Variants in CELF2 observed in about 807,000 individuals in gnomAD.
CELF2 encodes the protein CUG triplet repeat RNA-binding protein 2.
CELF2 carries 8 observed loss-of-function variants against 62.6 expected under a neutral mutation model. The ratio of observed to expected loss-of-function variants is 0.13; its 90% CI spans 0.07 to 0.23. CELF2 has a LOEUF of 0.23. Ranked by LOEUF, CELF2 falls within the 10% of genes least tolerant of loss-of-function variation. The probability of loss-of-function intolerance (pLI) is 1.00; values close to 1 mark genes in which losing one functional copy is unlikely to be tolerated. For synonymous variants in CELF2, 258 were observed against 250.0 expected (o/e 1.03, Z -0.30); for missense variants, 333 against 671.0 (o/e 0.50, Z 5.56).
In CELF2 at chr10:11,300,404, G is replaced by A. The variant is rs1455526757; in HGVS notation, c.976+11852G>A. 1.3e-5 allele frequency among the ~76,000 whole-genome samples: 2 copies of A among 152,186 alleles called. No homozygotes were observed. The highest frequency in any genetic ancestry group is 4.8e-5 in the African/African-American group (2 of 41,434). On this transcript the variant is annotated intron_variant, in intron 9 of 12. Coordinates refer to ENST00000633077, the MANE Select transcript of CELF2 (RefSeq NM_001326342.2). This position sits in a 1 kb window ranked among gnomAD's most constrained non-coding sequence, Gnocchi z 5.5. Reference sequence around the variant, plus strand: ...AGCCAGGTGGCATCAGCTTCCTTGGGAAGCAGAACTGGCAGCAGAAGAGAG... The same window carrying A: ...AGCCAGGTGGCATCAGCTTCCTTGGAAAGCAGAACTGGCAGCAGAAGAGAG...
At chr10:10,591,216 A>T in the CELF2 span, among the ~76,000 whole-genome samples, 2 of 152,318 alleles carry the variant, frequency 1.3e-5, no homozygotes, top group Admixed American at 6.5e-5. Context: ...ATAGAAAATT[A>T]ATTATGGGAA....
At chr10:11,136,006 G>A (rs1186432598) in intron 1 of CELF2, among the ~76,000 whole-genome samples, 1 of 152,152 alleles carries the variant, frequency 6.6e-6, no homozygotes, top group Non-Finnish European at 1.5e-5. Context: ...AATATTTACT[G>A]GTGGACTATA....
At chr10:10,807,041 T>C (rs1022690958) in intron 1 of CELF2, among the ~76,000 whole-genome samples, 6 of 152,210 alleles carry the variant, frequency 3.9e-5, no homozygotes, top group African/African-American at 1.2e-4. Context: ...CTGGGCCAGA[T>C]GATATTTATA....
Position 11,315,340 on chromosome 10 carries a change from G to A in CELF2, c.1096+1082G>A, listed in dbSNP as rs558039040. On this transcript the variant is annotated intron_variant, in intron 10 of 12. Coordinates refer to ENST00000633077, the MANE Select transcript of CELF2 (RefSeq NM_001326342.2). This position sits in a 1 kb window ranked among gnomAD's most constrained non-coding sequence, Gnocchi z 5.8. ...ATTCTCATTTTTAATAAAGGAGTCCGTGACAGTTGTTGCCCTATTTTAAGC... is the reference window on the plus strand; with the variant it reads ...ATTCTCATTTTTAATAAAGGAGTCCATGACAGTTGTTGCCCTATTTTAAGC... Among the ~76,000 whole-genome samples, 6 of 152,302 alleles carry A rather than the reference G, an allele frequency of 3.9e-5. No homozygotes were observed. In the South Asian group the frequency reaches 6.2e-4, roughly 16 times the overall value.
the CELF2 span, among the ~76,000 whole-genome samples, chr10:10,478,375 A>AT: frequency 2.6e-5 from 4 of 152,200 alleles, no homozygotes; most frequent in African/African-American, 9.7e-5. Context: ...ATTTGTGCCG[A>AT]TTGATATTCA....
At chr10:11,174,793 G>C (rs1347706862) in intron 2 of CELF2, among the ~76,000 whole-genome samples, 1 of 152,158 alleles carries the variant, frequency 6.6e-6, no homozygotes, top group Non-Finnish European at 1.5e-5. Context: ...CTGCTATTTT[G>C]TTGCCTTTTT....
the CELF2 span, among the ~76,000 whole-genome samples, chr10:10,584,424 T>A: frequency 6.6e-6 from 1 of 152,210 alleles, no homozygotes. Flanking sequence ...CACTCAGCAG[T>A]GTATGAATGG....
the CELF2 span, among the ~76,000 whole-genome samples, chr10:10,654,041 C>A: frequency 6.7e-6 from 1 of 150,112 alleles, no homozygotes; most frequent in African/African-American, 2.5e-5. Flanking sequence ...GGGATATCAC[C>A]ACTGATCCCA....
the CELF2 span, among the ~76,000 whole-genome samples, chr10:10,479,867 A>G: frequency 6.6e-6 from 1 of 152,232 alleles, no homozygotes; most frequent in Non-Finnish European, 1.5e-5. Flanking sequence ...ACGATTAGTC[A>G]CAATTTAACC....
the CELF2 span, chr10:10,776,368 T>TG: frequency 6.5e-6 from 1 of 153,596 alleles, no homozygotes; most frequent in Non-Finnish European, 1.5e-5. Flanking sequence ...GGAGAAATGG[T>TG]GAAAAACTTC....
At chr10:11,038,840 A>T (rs2061374840) in intron 1 of CELF2, among the ~76,000 whole-genome samples, 1 of 152,242 alleles carries the variant, frequency 6.6e-6, no homozygotes, top group African/African-American at 2.4e-5. Flanking sequence ...AATTATTTTA[A>T]GTTATACTGA....
intron 9 of CELF2, among the ~76,000 whole-genome samples, chr10:11,307,194 C>T (rs1158810908): frequency 6.6e-6 from 1 of 152,250 alleles, no homozygotes; most frequent in Non-Finnish European, 1.5e-5. Flanking sequence ...CTCCCTTGCC[C>T]CAGGGCGAAG....
intron 3 of CELF2, among the ~76,000 whole-genome samples, chr10:11,226,506 G>A (rs949187126): frequency 1.3e-5 from 2 of 152,190 alleles, no homozygotes; most frequent in Non-Finnish European, 2.9e-5. Flanking sequence ...ATGTGGAACA[G>A]CAGGACCATG....
intron 2 of CELF2, among the ~76,000 whole-genome samples, chr10:11,209,389 C>G (rs1370153783): frequency 6.6e-6 from 1 of 151,748 alleles, no homozygotes; most frequent in African/African-American, 2.4e-5. Flanking sequence ...CTAGCAGTGC[C>G]AGTTCTTCTT....
chr10:11,059,248 A>C (rs958258655), intron 1 of CELF2, among the ~76,000 whole-genome samples: 1 of 152,168 alleles, frequency 6.6e-6, no homozygotes, highest in Non-Finnish European at 1.5e-5. Flanking sequence ...TACACATTCT[A>C]TTCCTTAATC....
At chr10:10,964,942 A>C (rs2049957036) in intron 2 of CELF2, among the ~76,000 whole-genome samples, 1 of 152,008 alleles carries the variant, frequency 6.6e-6, no homozygotes, top group African/African-American at 2.4e-5. Flanking sequence ...CATGAAAAAA[A>C]CTCTTAGCCC....
chr10:10,674,697 C>G, the CELF2 span, among the ~76,000 whole-genome samples: 1 of 151,516 alleles, frequency 6.6e-6, no homozygotes, highest in East Asian at 1.9e-4. Context: ...TACTTTTTTT[C>G]TTACCTTATT....
intron 3 of CELF2, among the ~76,000 whole-genome samples, chr10:11,241,356 T>C (rs969126128): frequency 3.2e-4 from 48 of 152,250 alleles, no homozygotes; most frequent in African/African-American, 1.1e-3. Flanking sequence ...TGCGCCACCA[T>C]GCCCAGCTAA....
the CELF2 span, among the ~76,000 whole-genome samples, chr10:10,702,829 C>T: frequency 6.6e-6 from 1 of 152,204 alleles, no homozygotes; most frequent in African/African-American, 2.4e-5. Flanking sequence ...CATGGTTCAC[C>T]CACCTAGGCC....
Sources: allele counts gnomAD v4.1 joint callset (sites outside exome capture counted in the v4.1 genomes callset), GRCh38; gene constraint gnomAD v4.1.1; non-coding constraint Gnocchi (gnomAD v3.1); transcripts MANE v1.5; gene names NCBI Gene and HGNC (gene_info 2026-07-23, HGNC 2026-07-21).